The following FGF14 variants were observed in gnomAD, a reference collection of about 807,000 sequenced individuals.
The protein encoded by FGF14 is fibroblast growth factor 14.
Under a neutral mutation model 25.5 loss-of-function variants are expected in FGF14, and 5 were observed. That is an observed-to-expected ratio of 0.20 (90% CI 0.10 to 0.41). FGF14 has a LOEUF of 0.41. Among genes scored for constraint, FGF14 ranks in the 10% least tolerant of loss-of-function variants. The pLI, the probability that FGF14 is intolerant of heterozygous loss-of-function variation, is 1.00. For synonymous variants in FGF14, 138 were observed against 118.3 expected, an observed-to-expected ratio of 1.17 and a Z score of -1.08; for missense variants, 222 against 320.1, an observed-to-expected ratio of 0.69 and a Z score of 2.34.
intron 1 of FGF14, among the ~76,000 whole-genome samples, chr13:101,992,340 T>C (rs1410704627): frequency 6.6e-6 from 1 of 152,106 alleles, no homozygotes; most frequent in African/African-American, 2.4e-5. Context: ...GCCAGATAAA[T>C]ATCAAACCTC....
chr13:101,830,393 G>A (rs1220403141), intron 3 of FGF14, among the ~76,000 whole-genome samples: 1 of 152,070 alleles, frequency 6.6e-6, no homozygotes, highest in East Asian at 1.9e-4. Flanking sequence ...GCCCTGGGAA[G>A]TACAGGTCCC....
Position 101,718,348 on chromosome 13 carries a change from C to G in FGF14, c.*4483G>C, listed in dbSNP as rs2034802693. On this transcript the variant is annotated 3_prime_UTR_variant, in exon 5 of 5. Transcript: ENST00000376143. ...AAATAGTTACATGTAAAGACATAAA[C>G]TCTTTCCTTCTTAAATGTGATTTTC... The G allele has an allele frequency of 1.3e-5, 2 of 152,054 alleles. No individual in the cohort carries two copies. The highest frequency in any genetic ancestry group is 2.9e-5 in the Non-Finnish European group (2 of 68,004). The allele number at this position is 152,054 out of a possible 1,614,324, so 9.4% of individuals were successfully genotyped here.
chr13:101,938,563 G>A (rs1256836127), intron 1 of FGF14, among the ~76,000 whole-genome samples: 3 of 152,152 alleles, frequency 2.0e-5, no homozygotes, highest in African/African-American at 7.2e-5. Context: ...AGAAAATTTT[G>A]TTTGTAGAAA....
At chr13:101,846,501 T>C (rs1330475503) in intron 3 of FGF14, among the ~76,000 whole-genome samples, 2 of 152,068 alleles carry the variant, frequency 1.3e-5, no homozygotes, top group Non-Finnish European at 2.9e-5. Flanking sequence ...TTTTGCCGAC[T>C]CTTAAATGTT....
chr13:101,975,004 G>T (rs1295879566), intron 1 of FGF14, among the ~76,000 whole-genome samples: 2 of 152,058 alleles, frequency 1.3e-5, no homozygotes, highest in Non-Finnish European at 2.9e-5. Context: ...GCAGGGGAGT[G>T]GGGTGGGAAG....
intron 1 of FGF14, among the ~76,000 whole-genome samples, chr13:102,168,214 A>G (rs1384530740): frequency 6.6e-6 from 1 of 152,134 alleles, no homozygotes; most frequent in Non-Finnish European, 1.5e-5. Context: ...CAGTGTAAAC[A>G]TTTCCTGAAG....
intron 1 of FGF14, among the ~76,000 whole-genome samples, chr13:102,186,368 A>G (rs923224766): frequency 6.6e-6 from 1 of 152,192 alleles, no homozygotes; most frequent in African/African-American, 2.4e-5. Context: ...ACTGACTGCC[A>G]ATGTTGACAA....
intron 1 of FGF14, among the ~76,000 whole-genome samples, chr13:102,225,840 G>T (rs2050803390): frequency 1.3e-5 from 2 of 152,104 alleles, no homozygotes; most frequent in Admixed American, 6.5e-5. Context: ...ACAAGATTCT[G>T]CCATGCATCT....
At chr13:102,149,215 TTAAAA>T (rs2046978405) in intron 1 of FGF14, among the ~76,000 whole-genome samples, 1 of 151,816 alleles carries the variant, frequency 6.6e-6, no homozygotes. Context: ...TTTATATTTA[TTAAAA>T]TAATTATAAA....
chr13:101,735,454 G>GC (rs2036116170), intron 3 of FGF14, among the ~76,000 whole-genome samples: 6 of 151,986 alleles, frequency 3.9e-5, no homozygotes, highest in Admixed American at 3.3e-4. Context: ...TCTCTTAGAA[G>GC]CAACAAATAT....
intron 1 of FGF14, among the ~76,000 whole-genome samples, chr13:102,059,229 A>G (rs1251027408): frequency 1.3e-5 from 2 of 152,208 alleles, no homozygotes; most frequent in Admixed American, 6.5e-5. Context: ...CACATCATCA[A>G]CTGGAGCAAG....
chr13:102,305,126 T>C (rs553195047), intron 1 of FGF14, among the ~76,000 whole-genome samples: 13 of 152,272 alleles, frequency 8.5e-5, no homozygotes, highest in Admixed American at 2.0e-4. Flanking sequence ...GAAAATGTAT[T>C]GGATATATAA....
At chr13:101,772,349 G>A (rs1001237866) in intron 3 of FGF14, among the ~76,000 whole-genome samples, 1 of 152,024 alleles carries the variant, frequency 6.6e-6, no homozygotes, top group Non-Finnish European at 1.5e-5. Context: ...TCTCTGAATG[G>A]AAAAATAAAA....
chr13:102,144,265 T>C (rs2046762536), intron 1 of FGF14, among the ~76,000 whole-genome samples: 1 of 152,154 alleles, frequency 6.6e-6, no homozygotes, highest in African/African-American at 2.4e-5. Context: ...ACACCAAGCA[T>C]ATGTTACAAC....
At chr13:102,376,337 A>T (rs1378106926) in intron 1 of FGF14, among the ~76,000 whole-genome samples, 1 of 152,194 alleles carries the variant, frequency 6.6e-6, no homozygotes, top group Non-Finnish European at 1.5e-5. Flanking sequence ...AGGCCTCCCC[A>T]GCCATGTGGA....
chr13:102,211,453 A>G (rs1485599419), intron 1 of FGF14, among the ~76,000 whole-genome samples: 1 of 152,060 alleles, frequency 6.6e-6, no homozygotes, highest in African/African-American at 2.4e-5. Context: ...ACTACTTTCA[A>G]AGATTATTTT....
At chr13:101,929,745 G>A (rs1212986860) in intron 1 of FGF14, among the ~76,000 whole-genome samples, 2 of 152,068 alleles carry the variant, frequency 1.3e-5, no homozygotes, top group Non-Finnish European at 2.9e-5. Flanking sequence ...ATACATATAT[G>A]CACATATATA....
At chr13:102,305,320 A>G (rs2055314656) in intron 1 of FGF14, among the ~76,000 whole-genome samples, 2 of 152,150 alleles carry the variant, frequency 1.3e-5, no homozygotes. Context: ...CAATGACTTT[A>G]AACTTTAAAC....
At chr13:102,067,474 G>T (rs1595161128) in intron 1 of FGF14, among the ~76,000 whole-genome samples, 1 of 151,544 alleles carries the variant, frequency 6.6e-6, no homozygotes, top group East Asian at 1.9e-4. Context: ...CTCCTAATTG[G>T]GTGATTGCAC....
Sources: gnomAD v4.1 joint callset for allele counts (sites outside exome capture counted in the v4.1 genomes callset) on GRCh38, gnomAD v4.1.1 for gene constraint, MANE v1.5 for transcripts, NCBI Gene and HGNC (gene_info 2026-07-23, HGNC 2026-07-21) for gene names.